DAP3: variants seen among roughly 807,000 people sequenced by gnomAD.
DAP3 encodes death associated protein 3.
A neutral mutation model predicts 51.9 loss-of-function variants in DAP3; 28 were observed. The ratio of observed to expected loss-of-function variants is 0.54; its 90% CI spans 0.40 to 0.74. DAP3 has a LOEUF of 0.74. Ranked by LOEUF, DAP3 falls within the 30% of genes least tolerant of loss-of-function variation. The pLI, the probability that DAP3 is intolerant of heterozygous loss-of-function variation, is 0.00. For synonymous variants in DAP3, 170 were observed against 170.3 expected (o/e 1.00, Z 0.01); for missense variants, 458 against 483.5 (o/e 0.95, Z 0.49).
At chr1:155,710,012 A>T in intron 2 of DAP3, 188 bp downstream of exon 2, 1 of 487,298 alleles carries the variant, frequency 2.1e-6, no homozygotes, top group Non-Finnish European at 3.6e-6. Flanking sequence ...TCCAGAAAAC[A>T]TAAGTAAGTT....
intron 1 of DAP3, 66 bp downstream of exon 1, chr1:155,689,240 G>A: frequency 1.0e-5 from 7 of 683,254 alleles, no homozygotes; most frequent in South Asian, 9.0e-5. Flanking sequence ...CGGACCTCCA[G>A]GAGGTAGGGA....
chr1:155,698,626 T>A (rs1446478918), intron 1 of DAP3, among the ~76,000 whole-genome samples: 1 of 152,214 alleles, frequency 6.6e-6, no homozygotes, highest in Non-Finnish European at 1.5e-5. Flanking sequence ...TTTCCCTTTC[T>A]TTGTGCTCTT....
chr1:155,709,859 C>T (rs1488249243), intron 2 of DAP3, 35 bp downstream of exon 2: 7 of 1,598,542 alleles, frequency 4.4e-6, no homozygotes, highest in Non-Finnish European at 6.0e-6. Context: ...TCTGTGCATA[C>T]TGCCTTTAGG....
At chr1:155,726,113 C>CT (rs377658512) in intron 6 of DAP3, 94 bp downstream of exon 6, 90,943 of 672,496 alleles carry the variant, frequency 0.14, 71 homozygotes, top group Non-Finnish European at 0.15. Flanking sequence ...CTTTTCTTTT[C>CT]TTTTTTTTTT....
rs113208652 is a variant in DAP3, at chr1:155,714,536, G to A, written c.46-2470G>A. ...TCCCAGCACTTTGGGAGGCTAAGGC[G>A]GGCAGATCACCTGAGGTCAGGAGTT... On this transcript the variant is annotated intron_variant, in intron 2 of 12. Coordinates refer to ENST00000368336, the MANE Select transcript of DAP3 (RefSeq NM_004632.4). Among the ~76,000 whole-genome samples the A allele has an allele frequency of 4.7e-3, 709 of 152,124 alleles. 2 individuals are homozygous for A. The highest frequency in any genetic ancestry group is 0.016 in the African/African-American group (671 of 41,504).
chr1:155,728,775 C>T (rs898327791), intron 7 of DAP3, among the ~76,000 whole-genome samples: 6 of 151,722 alleles, frequency 4.0e-5, no homozygotes, highest in Admixed American at 1.3e-4. Context: ...CAAGAGAATC[C>T]CTTAAACCTG....
chr1:155,710,449 C>G (rs1201156354), intron 2 of DAP3: 2 of 152,184 alleles, frequency 1.3e-5, no homozygotes, highest in Non-Finnish European at 2.9e-5. Context: ...CTAGGCTGGT[C>G]TCGAACTCCT....
chr1:155,721,193 G>A (rs921933470), intron 3 of DAP3, among the ~76,000 whole-genome samples: 17 of 151,658 alleles, frequency 1.1e-4, no homozygotes, highest in Non-Finnish European at 2.4e-4. Context: ...AAAATTAGCC[G>A]GGTGCGGTGG....
rs1557805366 is a variant in DAP3 at position 155,737,010 on chromosome 1, T to C, written c.1058T>C (p.Phe353Ser). The change falls in exon 12 of 13, where the codon TTT becomes TCT. Residue 353 changes from phenylalanine (F) to serine (S), a missense_variant. By Grantham distance (155) the Phe-to-Ser change is radical (BLOSUM62 -2). Transcript: ENST00000368336. ...ILVSNYNPKEFESCIQYYLEN... is the reference protein window; with the variant it reads ...ILVSNYNPKESESCIQYYLEN... ...GTTTCCAACTATAACCCAAAGGAAT[T>C]TGAAAGTTGTATTCAGTATTATTTG... 1 of 1,614,128 alleles carries C rather than the reference T, an allele frequency of 6.2e-7. No homozygotes were observed. Among genetic ancestry groups the C allele is most frequent in the Admixed American group, 1.7e-5 (1 of 60,004 alleles).
At chr1:155,690,993 C>A (rs1055479933) in intron 1 of DAP3, among the ~76,000 whole-genome samples, 1 of 141,992 alleles carries the variant, frequency 7.0e-6, no homozygotes, top group South Asian at 2.1e-4. Context: ...CTGCAAGCTC[C>A]GCCTCCCGGG....
At chr1:155,708,948 G>A (rs348209) in intron 1 of DAP3, 9,695 of 151,940 alleles carry the variant, frequency 0.064, 1,061 homozygotes, top group African/African-American at 0.22. Flanking sequence ...TGATCTGCCC[G>A]CCTCGGCCTC....
chr1:155,739,008 A>T lies in DAP3; in HGVS notation c.*766A>T, dbSNP rs1302124392. 1.8e-5 allele frequency: 2 copies of T among 110,530 alleles called. No individual in the cohort carries two copies. Among genetic ancestry groups the T allele is most frequent in the South Asian group, 3.2e-4 (1 of 3,148 alleles). 6.8% of individuals were successfully genotyped at this position (110,530 alleles called of 1,614,324 possible). On this transcript the variant is annotated 3_prime_UTR_variant, in exon 13 of 13. Transcript: ENST00000368336. ...ATAAATAAATAAATAAATAAATAAT[A>T]AATGTATACTGTACTGTTTTACATG...
rs1456700648 is a variant in DAP3 at position 155,709,788 on chromosome 1, G to A, written c.9G>A (p.Leu3=). 6.2e-7 allele frequency: 1 copy of A among 1,611,968 alleles called. No homozygotes were observed. The highest frequency in any genetic ancestry group is 1.7e-5 in the Admixed American group (1 of 59,814). Residue 3 remains leucine (L), a synonymous_variant, in exon 2 of 13, where the codon CTG becomes CTA. Coordinates refer to ENST00000368336, the MANE Select transcript of DAP3 (RefSeq NM_004632.4). The part of the protein sequence containing the change: MM[L]KGITRLISRI... ...TTTGTAACAGTGCAAGGATGATGCT[G>A]AAAGGAATAACAAGGCTTATCTCTA... is the stretch of plus-strand genomic sequence containing the variant.
At position 155,731,424 on chromosome 1, in the gene DAP3, A is replaced by G. The variant is rs766733945; in HGVS notation, c.903+9A>G. The G allele has an allele frequency of 1.2e-6, 2 of 1,613,282 alleles. No individual in the cohort carries two copies. The highest frequency in any genetic ancestry group is 1.7e-6 in the Non-Finnish European group (2 of 1,179,288). ...TGATGAAAAATGATTGGGTAAGTGC[A>G]TATGATACCTCACACATTTCAGAAA... On this transcript the variant is annotated intron_variant, in intron 10 of 12. Transcript: ENST00000368336.
At chr1:155,688,506 G>A (rs929403684), upstream of DAP3, 6 of 1,547,338 alleles carry the variant, frequency 3.9e-6, no homozygotes, top group Admixed American at 3.9e-5. Flanking sequence ...GTGTCTACGG[G>A]CTCGTCGCTG....
intron 11 of DAP3, among the ~76,000 whole-genome samples, chr1:155,732,718 T>G (rs1437463751): frequency 2.0e-5 from 3 of 152,188 alleles, no homozygotes; most frequent in Non-Finnish European, 4.4e-5. Context: ...CCAGATAATG[T>G]GTTACATTAA....
intron 4 of DAP3, 180 bp downstream of exon 4, chr1:155,721,798 A>T (rs1266319116): frequency 1.7e-6 from 1 of 586,414 alleles, no homozygotes; most frequent in African/African-American, 1.9e-5. Flanking sequence ...TTTAAACAAT[A>T]TTGATGTTTT....
chr1:155,717,254 T>C, intron 3 of DAP3, 126 bp downstream of exon 3: 1 of 1,431,252 alleles, frequency 7.0e-7, no homozygotes, highest in Non-Finnish European at 9.4e-7. Flanking sequence ...ATAGTGCACC[T>C]GAGATAGCAC....
intron 1 of DAP3, among the ~76,000 whole-genome samples, chr1:155,694,663 C>T (rs1347079686): frequency 8.2e-6 from 1 of 121,526 alleles, no homozygotes; most frequent in Non-Finnish European, 1.5e-5. Context: ...AAATCCTTTT[C>T]TCTTCTTTGG....
Sources: allele counts gnomAD v4.1 joint callset (sites outside exome capture counted in the v4.1 genomes callset), GRCh38; gene constraint gnomAD v4.1.1; transcripts MANE v1.5; gene names NCBI Gene and HGNC (gene_info 2026-07-23, HGNC 2026-07-21).